Variants in ITGB4 observed in about 807,000 individuals in gnomAD.
ITGB4 encodes the protein integrin subunit beta 4.
In ITGB4, 159 loss-of-function variants were observed where a neutral mutation model predicts 207.6. The observed-to-expected ratio is 0.77, with a 90% confidence interval of 0.67 to 0.87. The LOEUF is 0.87. Ranked by LOEUF, ITGB4 falls within the 40% of genes least tolerant of loss-of-function variation. The probability of loss-of-function intolerance (pLI) is 0.00; values close to 1 mark genes in which losing one functional copy is unlikely to be tolerated. For synonymous variants in ITGB4, 1,020 were observed against 1,062.7 expected, an observed-to-expected ratio of 0.96 and a Z score of 0.78; for missense variants, 2,278 against 2,546.8, an observed-to-expected ratio of 0.89 and a Z score of 2.27.
Position 75,727,923 on chromosome 17 carries a change from C to T in ITGB4, c.469+68C>T. 1 of 1,416,590 alleles carries T rather than the reference C, an allele frequency of 7.1e-7. No homozygotes were observed. The highest frequency in any genetic ancestry group is 9.9e-7 in the Non-Finnish European group (1 of 1,009,482). 87.8% of individuals were successfully genotyped at this position (1,416,590 alleles called of 1,614,324 possible). A position where few individuals can be genotyped will look rare whatever the true frequency, so the allele number is the denominator to read the frequency against. ...ACAGGTGGGCGTCTGCTTGGGAGGC[C>T]AGGACTCAGGACAGCTGCACCCACC... On this transcript the variant is annotated intron_variant, in intron 5 of 39. Transcript: ENST00000200181. This position sits in a 1 kb window ranked among gnomAD's most constrained non-coding sequence, Gnocchi z 6.0.
intron 26 of ITGB4, 40 bp downstream of exon 26, chr17:75,743,901 G>T (rs201105881): frequency 1.3e-3 from 2,064 of 1,545,344 alleles, no homozygotes; most frequent in Non-Finnish European, 1.7e-3. Context: ...AGCCCGGGGG[G>T]CTGCGTGGGC....
At chr17:75,728,102 C>T (rs1207057661) in intron 5 of ITGB4, among the ~76,000 whole-genome samples, 1 of 152,194 alleles carries the variant, frequency 6.6e-6, no homozygotes, top group Non-Finnish European at 1.5e-5. Context: ...AGGAGGGCAC[C>T]CCCTGCCACG....
At chr17:75,721,895 T>G (rs2060624087) in intron 1 of ITGB4, among the ~76,000 whole-genome samples, 1 of 152,220 alleles carries the variant, frequency 6.6e-6, no homozygotes, top group Admixed American at 6.5e-5. Context: ...GGTAGCCCTC[T>G]GGGGCTGGGC....
intron 13 of ITGB4, 30 bp from the exon 14 acceptor site, chr17:75,736,021 C>G: frequency 6.2e-7 from 1 of 1,601,038 alleles, no homozygotes; most frequent in Non-Finnish European, 8.5e-7. Flanking sequence ...AGATGTAGCT[C>G]TCATCTCCCT....
At position 75,728,414 on chromosome 17, in the gene ITGB4, T is replaced by C. The variant is rs762209724; in HGVS notation, c.507T>C (p.Ile169=). The C allele has an allele frequency of 6.2e-7, 1 of 1,614,150 alleles. No individual in the cohort carries two copies. Among genetic ancestry groups the C allele is most frequent in the Non-Finnish European group, 8.5e-7 (1 of 1,180,010 alleles). ...VLSQLTSDYT[I]GFGKFVDKVS... is the part of the protein sequence containing the mutation. ...GCCAGCTCACCAGCGACTACACTAT[T>C]GGATTTGGCAAGTTTGTGGACAAAG... Residue 169 remains isoleucine (I), a synonymous_variant, in exon 6 of 40, where the codon ATT becomes ATC. Coordinates refer to ENST00000200181, the MANE Select transcript of ITGB4 (RefSeq NM_000213.5).
In ITGB4 at chr17:75,755,868, C is replaced by A. The variant is rs769557830; in HGVS notation, c.4708+18C>A. Reference sequence around the variant, plus strand: ...GAACGGCGGTGAGGCATGGTGGCTGCCAGGCTGCGGGGTGCAGCCCTGCAA... The same window carrying A: ...GAACGGCGGTGAGGCATGGTGGCTGACAGGCTGCGGGGTGCAGCCCTGCAA... On this transcript the variant is annotated intron_variant, in intron 35 of 39. Coordinates refer to ENST00000200181, the MANE Select transcript of ITGB4 (RefSeq NM_000213.5). The A allele has an allele frequency of 1.3e-6, 2 of 1,598,340 alleles. No homozygotes were observed. The highest frequency in any genetic ancestry group is 2.7e-5 in the African/African-American group (2 of 74,790).
chr17:75,754,635 A>G lies in ITGB4; in HGVS notation c.4378A>G (p.Arg1460Gly). 6.2e-7 allele frequency: 1 copy of G among 1,614,014 alleles called. No individual in the cohort carries two copies. The highest frequency in any genetic ancestry group is 2.2e-5 in the East Asian group (1 of 44,872). Residue 1460 changes from arginine to glycine, a missense_variant, in exon 34 of 40, where the codon AGG becomes GGG. Arg to Gly is a moderately radical substitution (Grantham distance 125). Coordinates refer to ENST00000200181, the MANE Select transcript of ITGB4 (RefSeq NM_000213.5). ...AFPGSTNSLH[R>G]MTTTSAAAYG... The stretch of plus-strand genomic sequence containing the variant: ...CCCGGGCAGCACCAACTCCCTGCAC[A>G]GGATGACCACGACCAGTGCTGCTGC...
chr17:75,752,923 C>T (rs1044152431), intron 32 of ITGB4, among the ~76,000 whole-genome samples: 3 of 152,150 alleles, frequency 2.0e-5, no homozygotes, highest in African/African-American at 4.8e-5. Flanking sequence ...AGCCACCAGG[C>T]GGCCACCTGG....
chr17:75,733,347 C>T, intron 12 of ITGB4, 143 bp from the exon 13 acceptor site: 1 of 583,874 alleles, frequency 1.7e-6, no homozygotes, highest in Non-Finnish European at 2.8e-6. Flanking sequence ...GATCGCGCCA[C>T]TGCACTCCAG....
At chr17:75,757,394 T>C (rs2061543133) in intron 39 of ITGB4, 22 bp from the exon 40 acceptor site, 1 of 1,612,984 alleles carries the variant, frequency 6.2e-7, no homozygotes, top group Non-Finnish European at 8.5e-7. Context: ...AGCCAGGTCA[T>C]CTAATGCCTC....
Position 75,756,451 on chromosome 17 carries a change from C to A in ITGB4, c.4731C>A (p.Ile1577=). Residue 1577 remains isoleucine, a synonymous_variant, in exon 36 of 40, where the codon ATC becomes ATA. Transcript: ENST00000200181. ...CAGGTGAGCTGCATCGGCTCAACAT[C>A]CCCAACCCTGCCCAGACCTCGGTGG... ...LNGGELHRLN[I]PNPAQTSVVV... 6.2e-7 allele frequency: 1 copy of A among 1,613,348 alleles called. No homozygotes were observed. Among genetic ancestry groups the A allele is most frequent in the Non-Finnish European group, 8.5e-7 (1 of 1,179,976 alleles).
Position 75,727,184 on chromosome 17 carries a change from T to C in ITGB4, c.80-11T>C. The C allele has an allele frequency of 6.2e-7, 1 of 1,613,488 alleles. No individual in the cohort carries two copies. The highest frequency in any genetic ancestry group is 2.2e-5 in the East Asian group (1 of 44,812). On this transcript the variant is annotated splice_polypyrimidine_tract_variant and intron_variant, in intron 2 of 39. Transcript: ENST00000200181. The surrounding 1 kb of genome is among the most constrained non-coding windows in gnomAD (Gnocchi z 6.0). ...GCCTCCCCATTCATGTGCCCACATC[T>C]GTCCCCCCAGCAAACCGCTGCAAGA...
In ITGB4 at chr17:75,753,791, C is replaced by A. The variant is rs780995540; in HGVS notation, c.4135C>A (p.Leu1379Met). ...CTGCGGCTGGAAGTTCGAGCCCCTG[C>A]TGGGGGAGGAGCTGGACCTGCGGCG... ...TGCGWKFEPL[L>M]GEELDLRRVT... Residue 1379 changes from leucine to methionine, a missense_variant, in exon 33 of 40, where the codon CTG (leucine) becomes ATG (methionine). Leu to Met is a conservative substitution (Grantham distance 15). Coordinates refer to ENST00000200181, the MANE Select transcript of ITGB4 (RefSeq NM_000213.5). 2.1e-6 allele frequency: 3 copies of A among 1,457,846 alleles called. No homozygotes were observed. 90.3% of individuals were successfully genotyped at this position (1,457,846 alleles called of 1,614,324 possible).
chr17:75,734,489 T>G (rs2060934409), intron 13 of ITGB4, among the ~76,000 whole-genome samples: 1 of 152,072 alleles, frequency 6.6e-6, no homozygotes, highest in Non-Finnish European at 1.5e-5. Context: ...GGCCTGGAGC[T>G]TCCTCTGTAT....
At position 75,727,274 on chromosome 17, in the gene ITGB4, C is replaced by T. The variant is rs774764615; in HGVS notation, c.159C>T (p.Asp53=). ...ATAAGGACTGCGCCTACTGCACAGA[C>T]GAGGTGAGGACCTGGCCCGGGTTGG... is the stretch of plus-strand genomic sequence containing the variant. ...RVDKDCAYCT[D]EMFRDRRCNT... Residue 53 remains aspartate (D), a synonymous_variant, in exon 3 of 40, where the codon GAC becomes GAT. Coordinates refer to ENST00000200181, the MANE Select transcript of ITGB4 (RefSeq NM_000213.5). The surrounding 1 kb of genome is among the most constrained non-coding windows in gnomAD (Gnocchi z 6.0). The T allele has an allele frequency of 2.7e-5, 44 of 1,613,900 alleles. No homozygotes were observed. Among genetic ancestry groups the T allele is most frequent in the African/African-American group, 1.1e-4 (8 of 75,022 alleles).
Position 75,752,292 on chromosome 17 carries a change from C to T in ITGB4, c.3912C>T (p.Ala1304=), listed in dbSNP as rs1003801308. 40 of 1,613,146 alleles carry T rather than the reference C, an allele frequency of 2.5e-5. No homozygotes were observed. The highest frequency in any genetic ancestry group is 9.3e-5 in the African/African-American group (7 of 74,936). ...YRYTVKARNG[A]GWGPEREAII... ...ACACGGTGAAGGCGCGCAACGGGGC[C>T]GGCTGGGGGCCTGAGCGGGAGGCCA... Residue 1304 remains alanine, a synonymous_variant, in exon 31 of 40, where the codon GCC becomes GCT. Coordinates refer to ENST00000200181, the MANE Select transcript of ITGB4 (RefSeq NM_000213.5).
At position 75,757,117 on chromosome 17, in the gene ITGB4, T is replaced by C. The variant is rs199732130; in HGVS notation, c.5218+10T>C. The C allele has an allele frequency of 6.2e-7, 1 of 1,612,858 alleles. No homozygotes were observed. ...GAGTCCCAGGATGGAGGTAGGCACCTGTCCTTTCCTTCACCCCCACCCCTC... is the reference window on the plus strand; with the variant it reads ...GAGTCCCAGGATGGAGGTAGGCACCCGTCCTTTCCTTCACCCCCACCCCTC... On this transcript the variant is annotated intron_variant, in intron 38 of 39. Transcript: ENST00000200181.
rs1053415660 is a variant in ITGB4 at position 75,750,229 on chromosome 17, C to A, written c.3435C>A (p.Phe1145Leu). ...AKAAGSRKIH[F>L]NWLPPSGKPM... Reference sequence around the variant, plus strand: ...CCGCTGGGTCCAGGAAGATCCATTTCAACTGGCTGCCCCCTTCTGGCAAGC... The same window carrying A: ...CCGCTGGGTCCAGGAAGATCCATTTAAACTGGCTGCCCCCTTCTGGCAAGC... Residue 1145 changes from phenylalanine (F) to leucine (L), a missense_variant, in exon 28 of 40, where the codon TTC becomes TTA. Phe to Leu is a conservative substitution (Grantham distance 22, BLOSUM62 0). Coordinates refer to ENST00000200181, the MANE Select transcript of ITGB4 (RefSeq NM_000213.5). This position sits in a 1 kb window ranked among gnomAD's most constrained non-coding sequence, Gnocchi z 5.5. 6.2e-7 allele frequency: 1 copy of A among 1,613,702 alleles called. No homozygotes were observed. The highest frequency in any genetic ancestry group is 1.7e-5 in the Admixed American group (1 of 60,018).
chr17:75,748,909 G>C lies in ITGB4; in HGVS notation c.3180G>C (p.Lys1060Asn), dbSNP rs1424957376. Residue 1060 changes from lysine to asparagine, a missense_variant, in exon 27 of 40, where the codon AAG (lysine) becomes AAC (asparagine). Lys to Asn is a moderately conservative substitution (Grantham distance 94). Transcript: ENST00000200181. ...PGEAWKELQV[K>N]LLELQEVDSL... is the part of the protein sequence containing the mutation. ...AGGCCTGGAAAGAGCTGCAGGTGAA[G>C]CTCCTGGAGCTGCAAGAAGTTGACT... 6.2e-7 allele frequency: 1 copy of C among 1,613,228 alleles called. No homozygotes were observed. The highest frequency in any genetic ancestry group is 1.1e-5 in the South Asian group (1 of 91,028).
Sources: allele counts gnomAD v4.1 joint callset (sites outside exome capture counted in the v4.1 genomes callset), GRCh38; gene constraint gnomAD v4.1.1; non-coding constraint Gnocchi (gnomAD v3.1); transcripts MANE v1.5; gene names NCBI Gene and HGNC (gene_info 2026-07-23, HGNC 2026-07-21).